Variants in TPGS2 observed in about 807,000 individuals in gnomAD.
TPGS2 encodes tubulin polyglutamylase complex subunit 2.
TPGS2 carries 26 observed loss-of-function variants against 31.1 expected under a neutral mutation model. That is an observed-to-expected ratio of 0.84 (90% CI 0.61 to 1.16). TPGS2 has a LOEUF of 1.16. Ranked by LOEUF, TPGS2 falls within the 50% of genes most tolerant of loss-of-function variation. The pLI, the probability that TPGS2 is intolerant of heterozygous loss-of-function variation, is 0.00. For synonymous variants in TPGS2, 130 were observed against 136.6 expected (o/e 0.95, Z 0.34); for missense variants, 351 against 363.8 (o/e 0.96, Z 0.29).
rs186531741 is a variant in TPGS2 at position 36,814,988 on chromosome 18, T to C, written c.165+3906A>G. Among the ~76,000 whole-genome samples, 47 of 152,366 alleles carry C rather than the reference T, an allele frequency of 3.1e-4. No individual in the cohort carries two copies. In the East Asian group the frequency reaches 8.3e-3, roughly 27 times the overall value. On this transcript the variant is annotated intron_variant, in intron 2 of 6. Coordinates refer to ENST00000334295, the MANE Select transcript of TPGS2 (RefSeq NM_015476.4). ...AGCTCTGGATATATTTGGGCAAATA[T>C]AGCCCAAAAGGGCAAAGGGCCCCTT...
intron 1 of TPGS2, among the ~76,000 whole-genome samples, chr18:36,825,252 G>GA (rs1348166903): frequency 6.6e-6 from 1 of 151,982 alleles, no homozygotes; most frequent in Non-Finnish European, 1.5e-5. Flanking sequence ...CTAACATGGT[G>GA]AAACCCTGTC....
At chr18:36,818,494 G>A (rs928842914) in intron 2 of TPGS2, 1 of 155,424 alleles carries the variant, frequency 6.4e-6, no homozygotes, top group African/African-American at 2.4e-5. Context: ...AACTTTTATT[G>A]AATAAACGAA....
downstream of TPGS2, among the ~76,000 whole-genome samples, chr18:36,791,326 C>T (rs1003893656): frequency 5.9e-5 from 9 of 152,202 alleles, no homozygotes; most frequent in Non-Finnish European, 7.3e-5. Flanking sequence ...CATCTCCACA[C>T]TGAAGACACA....
intron 2 of TPGS2, among the ~76,000 whole-genome samples, chr18:36,813,830 A>C (rs1181294463): frequency 6.6e-6 from 1 of 152,224 alleles, no homozygotes; most frequent in Non-Finnish European, 1.5e-5. Flanking sequence ...GCTAGAGAGA[A>C]GGGTTGACTG....
chr18:36,819,076 A>G, intron 1 of TPGS2, 103 bp from the exon 2 acceptor site: 2 of 929,514 alleles, frequency 2.2e-6, no homozygotes, highest in Admixed American at 2.3e-5. Context: ...AAGAACATCC[A>G]ATCCTTCTCA....
chr18:36,806,172 G>A (rs1391739395), intron 3 of TPGS2: 2 of 152,154 alleles, frequency 1.3e-5, no homozygotes, highest in Admixed American at 6.5e-5. Flanking sequence ...CACTAAAGAG[G>A]CAAACATCAG....
At chr18:36,808,004 A>T (rs1333562040) in intron 2 of TPGS2, 70 bp from the exon 3 acceptor site, 4 of 1,449,342 alleles carry the variant, frequency 2.8e-6, no homozygotes, top group South Asian at 2.3e-5. Flanking sequence ...GGCTTAAGGC[A>T]CTGGGGACAC....
At chr18:36,807,534 C>G (rs2045215606) in intron 3 of TPGS2, 2 of 349,282 alleles carry the variant, frequency 5.7e-6, no homozygotes, top group Non-Finnish European at 1.0e-5. Flanking sequence ...GTAGAGCCCT[C>G]TGAGGCTTTA....
At chr18:36,803,698 TC>T (rs2044956423) in intron 4 of TPGS2, among the ~76,000 whole-genome samples, 1 of 152,346 alleles carries the variant, frequency 6.6e-6, no homozygotes, top group African/African-American at 2.4e-5. Flanking sequence ...TTAAGATATT[TC>T]TTGCACTTGA....
At position 36,796,486 on chromosome 18, in the gene TPGS2, TG is replaced by T. The variant is rs142659108; in HGVS notation, c.*318del. The T allele has an allele frequency of 5.3e-4, 576 of 1,095,048 alleles. No individual in the cohort carries two copies. In the African/African-American group the frequency reaches 8.4e-3, roughly 16 times the overall value. 67.8% of individuals were successfully genotyped at this position (1,095,048 alleles called of 1,614,324 possible). A position where few individuals can be genotyped will look rare whatever the true frequency, so the allele number is the denominator to read the frequency against. The stretch of plus-strand genomic sequence containing the variant: ...CATGGGTCAAAACCAGTGGTTTCTT[TG>T]GGGGACCTCTCTAATCAATCAGTGC... On this transcript the variant is annotated 3_prime_UTR_variant, in exon 7 of 7. Transcript: ENST00000334295.
intron 4 of TPGS2, among the ~76,000 whole-genome samples, chr18:36,802,004 T>C (rs997106046): frequency 3.3e-5 from 5 of 152,254 alleles, no homozygotes; most frequent in Non-Finnish European, 7.3e-5. Context: ...ATAATTTTTG[T>C]TCTGTGTAAC....
chr18:36,818,865 G>A, intron 2 of TPGS2, 29 bp downstream of exon 2: 1 of 1,584,286 alleles, frequency 6.3e-7, no homozygotes, highest in South Asian at 1.1e-5. Flanking sequence ...CTCTTTGATG[G>A]GAGGTAGAGT....
At chr18:36,803,599 T>C (rs1055017442) in intron 4 of TPGS2, among the ~76,000 whole-genome samples, 3 of 152,210 alleles carry the variant, frequency 2.0e-5, no homozygotes, top group Non-Finnish European at 4.4e-5. Context: ...ATAATTCCAA[T>C]GGAAAGTGTC....
chr18:36,798,447 A>G lies in TPGS2; in HGVS notation c.657+2T>C. 2.5e-6 allele frequency: 4 copies of G among 1,614,132 alleles called. No individual in the cohort carries two copies. Among genetic ancestry groups the G allele is most frequent in the Non-Finnish European group, 3.4e-6 (4 of 1,180,010 alleles). On this transcript the variant is annotated splice_donor_variant, in intron 6 of 6. Transcript: ENST00000334295. LOFTEE classifies it high-confidence loss of function. The stretch of plus-strand genomic sequence containing the variant: ...TTACAATGGCAGGTGTTCCTCCCTT[A>G]CCTTGGCCTGTGGGCTAATGCCATA...
At chr18:36,805,342 A>G (rs2045062782) in intron 4 of TPGS2, 32 bp downstream of exon 4, 2 of 1,610,580 alleles carry the variant, frequency 1.2e-6, no homozygotes, top group Non-Finnish European at 1.7e-6. Context: ...TGGATGCTGG[A>G]AACAAAGATA....
exon 7 of TPGS2, chr18:36,782,993 C>T (rs900604106): frequency 7.5e-6 from 3 of 398,052 alleles, no homozygotes; most frequent in Non-Finnish European, 1.3e-5. Context: ...AGAGCCCTGT[C>T]CACAAATGTC....
In TPGS2 at chr18:36,795,148, G is replaced by A. The variant is rs1473301982; in HGVS notation, c.*1657C>T. ...GAAAGTGGTAGGTGGAGGAGATATC[G>A]AAGGCGCTTTCTCATGAATATCTAT... On this transcript the variant is annotated 3_prime_UTR_variant, in exon 7 of 7. Transcript: ENST00000334295. 21 of 985,264 alleles carry A rather than the reference G, an allele frequency of 2.1e-5. No individual in the cohort carries two copies. The highest frequency in any genetic ancestry group is 6.1e-5 in the Admixed American group (1 of 16,270). The allele number at this position is 985,264 out of a possible 1,614,324, so 61.0% of individuals were successfully genotyped here. A position where few individuals can be genotyped will look rare whatever the true frequency, so the allele number is the denominator to read the frequency against.
intron 4 of TPGS2, among the ~76,000 whole-genome samples, chr18:36,805,149 T>C (rs190830983): frequency 6.6e-6 from 1 of 152,336 alleles, no homozygotes; most frequent in East Asian, 1.9e-4. Context: ...ACTTGACTTA[T>C]GAGCCATTTC....
chr18:36,811,797 GATAA>G (rs2045442064), intron 2 of TPGS2, among the ~76,000 whole-genome samples: 1 of 152,190 alleles, frequency 6.6e-6, no homozygotes. Flanking sequence ...TCTATTATGG[GATAA>G]ATACTGTGTG....
Sources: allele counts gnomAD v4.1 joint callset (sites outside exome capture counted in the v4.1 genomes callset), GRCh38; gene constraint gnomAD v4.1.1; transcripts MANE v1.5; gene names NCBI Gene and HGNC (gene_info 2026-07-23, HGNC 2026-07-21).